NELL1: variants seen among roughly 807,000 people sequenced by gnomAD.
The protein encoded by NELL1 is neural EGFL like 1.
A neutral mutation model predicts 107.4 loss-of-function variants in NELL1; 76 were observed. That is an observed-to-expected ratio of 0.71 (90% CI 0.59 to 0.86). The LOEUF (loss-of-function observed/expected upper bound fraction) is 0.86, where lower values mean the gene tolerates loss of function less well. Ranked by LOEUF, NELL1 falls within the 40% of genes least tolerant of loss-of-function variation. The pLI is 0.00. For missense variants in NELL1, 1,024 were observed against 1,005.5 expected (o/e 1.02, Z -0.25); for synonymous variants, 353 against 341.2 (o/e 1.03, Z -0.38).
intron 5 of NELL1, among the ~76,000 whole-genome samples, chr11:20,889,017 G>A (rs1295583907): frequency 6.6e-6 from 1 of 152,170 alleles, no homozygotes; most frequent in Admixed American, 6.5e-5. Flanking sequence ...CCCAAAGCAA[G>A]TCATATGGCC....
chr11:20,681,867 T>G (rs950424879), intron 2 of NELL1, among the ~76,000 whole-genome samples: 1 of 152,034 alleles, frequency 6.6e-6, no homozygotes, highest in Non-Finnish European at 1.5e-5. Flanking sequence ...CAGTCCAAGG[T>G]CGACTTCTGT....
rs916375378 is a variant in NELL1, at chr11:21,153,492, G to A, written c.1426+39778G>A. ...GTAACAGGCACTGTACTAGGCACTG[G>A]GGATGCAGCATGAATAAAGCAGACA... On this transcript the variant is annotated intron_variant, in intron 13 of 19. Transcript: ENST00000357134. Among the ~76,000 whole-genome samples, 3 of 152,072 alleles carry A rather than the reference G, an allele frequency of 2.0e-5. No individual in the cohort carries two copies. In the East Asian group the frequency reaches 5.8e-4, roughly 29 times the overall value.
intron 3 of NELL1, among the ~76,000 whole-genome samples, chr11:20,802,366 ATTTCTT>A (rs1428776087): frequency 6.8e-6 from 1 of 147,184 alleles, no homozygotes; most frequent in Non-Finnish European, 1.5e-5. Flanking sequence ...TACTTTCTTG[ATTTCTT>A]TTTCAGATCG....
At chr11:21,051,681 TGGGG>T (rs976708363) in intron 12 of NELL1, among the ~76,000 whole-genome samples, 12 of 151,892 alleles carry the variant, frequency 7.9e-5, no homozygotes, top group African/African-American at 2.4e-4. Context: ...CTAGGAGTGG[TGGGG>T]GATAAGGAAG....
At chr11:21,240,139 G>T (rs1406135390) in intron 14 of NELL1, among the ~76,000 whole-genome samples, 1 of 151,998 alleles carries the variant, frequency 6.6e-6, no homozygotes, top group African/African-American at 2.4e-5. Context: ...GTCTGGAGAA[G>T]ATAAATGATA....
intron 2 of NELL1, among the ~76,000 whole-genome samples, chr11:20,703,041 CT>C (rs1429413708): frequency 1.1e-4 from 16 of 152,136 alleles, no homozygotes; most frequent in Non-Finnish European, 2.2e-4. Flanking sequence ...AGGATTCCCT[CT>C]TTTTTCTATT....
chr11:21,228,111 A>G (rs772965741), intron 13 of NELL1, among the ~76,000 whole-genome samples: 2 of 152,156 alleles, frequency 1.3e-5, no homozygotes, highest in African/African-American at 2.4e-5. Flanking sequence ...GAATGGCCCT[A>G]CTGGATTTTT....
chr11:21,517,307 A>G (rs72959324), intron 15 of NELL1, among the ~76,000 whole-genome samples: 4 of 152,314 alleles, frequency 2.6e-5, no homozygotes, highest in Non-Finnish European at 5.9e-5. Context: ...GCGTTGGTCT[A>G]AATGACATTT....
intron 15 of NELL1, among the ~76,000 whole-genome samples, chr11:21,492,175 C>A (rs1854838969): frequency 6.6e-6 from 1 of 152,088 alleles, no homozygotes; most frequent in South Asian, 2.1e-4. Flanking sequence ...CAGAGAAATG[C>A]AAATCAAATC....
intron 2 of NELL1, among the ~76,000 whole-genome samples, chr11:20,763,029 A>G (rs1856456314): frequency 6.6e-6 from 1 of 152,024 alleles, no homozygotes; most frequent in Non-Finnish European, 1.5e-5. Context: ...AAAAAGCCCA[A>G]CTGTTGTTCC....
chr11:20,921,782 CT>C (rs1397223541), intron 7 of NELL1, among the ~76,000 whole-genome samples: 1 of 111,576 alleles, frequency 9.0e-6, no homozygotes, highest in Non-Finnish European at 1.9e-5. Context: ...AGCAAGGTCT[CT>C]TTTTTATTGT....
At chr11:20,837,083 G>A (rs983482553) in intron 3 of NELL1, among the ~76,000 whole-genome samples, 6 of 152,206 alleles carry the variant, frequency 3.9e-5, no homozygotes, top group South Asian at 2.1e-4. Flanking sequence ...GCTGACTTCC[G>A]GAACTTTGGA....
intron 15 of NELL1, among the ~76,000 whole-genome samples, chr11:21,434,056 T>C (rs906326249): frequency 6.6e-6 from 1 of 152,238 alleles, no homozygotes; most frequent in Admixed American, 6.5e-5. Context: ...GTCTTTGCTG[T>C]TGAGACGTTT....
chr11:21,534,543 C>A (rs367586023), intron 16 of NELL1, 29 bp downstream of exon 16: 3 of 1,611,230 alleles, frequency 1.9e-6, no homozygotes, highest in African/African-American at 1.3e-5. Context: ...TGCCCTCCAA[C>A]TGCTTGGACC....
chr11:21,561,997 A>G (rs1365439196), intron 17 of NELL1, among the ~76,000 whole-genome samples: 1 of 152,040 alleles, frequency 6.6e-6, no homozygotes, highest in Non-Finnish European at 1.5e-5. Flanking sequence ...TCATTTCAAG[A>G]AACTATTGTG....
chr11:21,462,576 T>C (rs1264249493), intron 15 of NELL1, among the ~76,000 whole-genome samples: 3 of 152,046 alleles, frequency 2.0e-5, no homozygotes, highest in Non-Finnish European at 4.4e-5. Flanking sequence ...CTAGAGAGGA[T>C]ATTTGGATGG....
chr11:21,559,488 T>C (rs148152901), intron 16 of NELL1, among the ~76,000 whole-genome samples: 42 of 152,244 alleles, frequency 2.8e-4, no homozygotes, highest in Non-Finnish European at 5.6e-4. Context: ...TTTTATTCCA[T>C]TGTTGGCTGT....
intron 10 of NELL1, among the ~76,000 whole-genome samples, chr11:20,945,904 A>G (rs376821309): frequency 1.3e-5 from 2 of 152,200 alleles, no homozygotes; most frequent in Admixed American, 6.5e-5. Flanking sequence ...TAAGATAGTC[A>G]GGAGAAAGTT....
At chr11:20,735,563 G>T (rs1191842931) in intron 2 of NELL1, among the ~76,000 whole-genome samples, 1 of 152,186 alleles carries the variant, frequency 6.6e-6, no homozygotes, top group East Asian at 1.9e-4. Flanking sequence ...CCTACAATAT[G>T]TGGGGATTAT....
Sources: gnomAD v4.1 joint callset for allele counts (sites outside exome capture counted in the v4.1 genomes callset) on GRCh38, gnomAD v4.1.1 for gene constraint, MANE v1.5 for transcripts, NCBI Gene and HGNC (gene_info 2026-07-23, HGNC 2026-07-21) for gene names.